The following GID4 variants were observed in gnomAD, a reference collection of about 807,000 sequenced individuals.
GID4 encodes the protein glucose-induced degradation protein 4 homolog.
In GID4, 7 loss-of-function variants were observed where a neutral mutation model predicts 32.4. The ratio of observed to expected loss-of-function variants is 0.22; its 90% CI spans 0.12 to 0.41. The LOEUF (loss-of-function observed/expected upper bound fraction) is 0.41, where lower values mean the gene tolerates loss of function less well. Ranked by LOEUF, GID4 falls within the 10% of genes least tolerant of loss-of-function variation. The probability of loss-of-function intolerance (pLI) is 1.00; values close to 1 mark genes in which losing one functional copy is unlikely to be tolerated. For missense variants in GID4, 309 were observed against 400.0 expected, an observed-to-expected ratio of 0.77 and a Z score of 1.94; for synonymous variants, 166 against 170.0, an observed-to-expected ratio of 0.98 and a Z score of 0.18.
intron 5 of GID4, among the ~76,000 whole-genome samples, chr17:18,064,293 G>A (rs1004847347): frequency 6.6e-6 from 1 of 152,124 alleles, no homozygotes; most frequent in Non-Finnish European, 1.5e-5. Flanking sequence ...GCATGTATGA[G>A]GGTTCCAGTT....
At chr17:18,059,960 C>T (rs1368134915) in intron 4 of GID4, among the ~76,000 whole-genome samples, 1 of 151,602 alleles carries the variant, frequency 6.6e-6, no homozygotes, top group African/African-American at 2.4e-5. Context: ...TTGGCATGCC[C>T]CTGTAGTCGC....
Position 18,066,668 on chromosome 17 carries a change from C to T in GID4, c.*1425C>T, listed in dbSNP as rs2045066925. 6.6e-6 allele frequency: 1 copy of T among 152,100 alleles called. No homozygotes were observed. Among genetic ancestry groups the T allele is most frequent in the Non-Finnish European group, 1.5e-5 (1 of 68,026 alleles). 9.4% of individuals were successfully genotyped at this position (152,100 alleles called of 1,614,324 possible). On this transcript the variant is annotated 3_prime_UTR_variant, in exon 6 of 6. Transcript: ENST00000268719. ...TCATAACCCCCAGGAGCAAAGCAAC[C>T]TGGAGGCTGCATATCCATGGGCGGG... is the stretch of plus-strand genomic sequence containing the variant.
chr17:18,039,577 C>T lies in GID4; in HGVS notation c.113C>T (p.Ala38Val). ...GAGCGCTTGCTCCGCAGGCAGCGGG[C>T]GGGTGGTCGCCCCTCCCGCCCCCAC... ...RPERLLRRQRAGGRPSRPHPA... is the reference protein window; with the variant it reads ...RPERLLRRQRVGGRPSRPHPA... Residue 38 changes from alanine (A) to valine (V), a missense_variant, in exon 1 of 6, where the codon GCG (alanine) becomes GTG (valine). By Grantham distance (64) the Ala-to-Val change is moderately conservative (BLOSUM62 0). Coordinates refer to ENST00000268719, the MANE Select transcript of GID4 (RefSeq NM_024052.5). This position sits in a 1 kb window ranked among gnomAD's most constrained non-coding sequence, Gnocchi z 5.3. 7.7e-7 allele frequency: 1 copy of T among 1,301,662 alleles called. No homozygotes were observed. Among genetic ancestry groups the T allele is most frequent in the Non-Finnish European group, 9.7e-7 (1 of 1,029,230 alleles). 80.6% of individuals were successfully genotyped at this position (1,301,662 alleles called of 1,614,324 possible).
chr17:18,054,277 G>A (rs750719668), intron 3 of GID4, 43 bp downstream of exon 3: 3 of 1,193,472 alleles, frequency 2.5e-6, no homozygotes, highest in Non-Finnish European at 3.7e-6. Context: ...GGGGCTGCTA[G>A]AGAATTGAAG....
chr17:18,049,745 TCTC>T (rs935695981), intron 2 of GID4, among the ~76,000 whole-genome samples: 3 of 152,126 alleles, frequency 2.0e-5, no homozygotes, highest in Non-Finnish European at 2.9e-5. Context: ...TTCAAGCAGT[TCTC>T]CTGCTCAGCT....
intron 2 of GID4, 33 bp from the exon 3 acceptor site, chr17:18,054,094 C>T: frequency 8.3e-7 from 1 of 1,202,242 alleles, no homozygotes; most frequent in Non-Finnish European, 1.2e-6. Flanking sequence ...TCTCACTCAA[C>T]ATCTTATTTT....
At chr17:18,040,751 T>G (rs2044790662) in intron 1 of GID4, among the ~76,000 whole-genome samples, 1 of 152,158 alleles carries the variant, frequency 6.6e-6, no homozygotes, top group East Asian at 1.9e-4. Flanking sequence ...CAGGGGACCC[T>G]CTTTCCTGTT....
chr17:18,051,954 A>G (rs2044914036), intron 2 of GID4, among the ~76,000 whole-genome samples: 1 of 151,470 alleles, frequency 6.6e-6, no homozygotes, highest in Non-Finnish European at 1.5e-5. Flanking sequence ...TGCATCTGTA[A>G]TCCCAGCTAC....
Position 18,039,627 on chromosome 17 carries a change from T to TC in GID4, c.166dup (p.Leu56ProfsTer107). The TC allele has an allele frequency of 9.8e-7, 1 of 1,020,094 alleles. No homozygotes were observed. The highest frequency in any genetic ancestry group is 1.2e-6 in the Non-Finnish European group (1 of 850,020). The allele number at this position is 1,020,094 out of a possible 1,614,324, so 63.2% of individuals were successfully genotyped here. A position where few individuals can be genotyped will look rare whatever the true frequency, so the allele number is the denominator to read the frequency against. On this transcript the variant is annotated frameshift_variant, in exon 1 of 6. Coordinates refer to ENST00000268719, the MANE Select transcript of GID4 (RefSeq NM_024052.5). LOFTEE classifies it high-confidence loss of function. This position sits in a 1 kb window ranked among gnomAD's most constrained non-coding sequence, Gnocchi z 5.3. ...CCCCGCGCGTGCGCGCCCCGGCCTC[T>TC]CCCTCCCCGCCACCCTCCTCGGCTC...
chr17:18,061,769 C>G lies in GID4; in HGVS notation c.709-76C>G. ...TTTTCTCGAGTGGTCCTTAGAACCC[C>G]CTGATGCTTAACAGGGAGGCCCCGT... On this transcript the variant is annotated intron_variant, in intron 4 of 5. Transcript: ENST00000268719. This position sits in a 1 kb window ranked among gnomAD's most constrained non-coding sequence, Gnocchi z 4.4. 1 of 1,431,022 alleles carries G rather than the reference C, an allele frequency of 7.0e-7. No individual in the cohort carries two copies. The allele number at this position is 1,431,022 out of a possible 1,614,324, so 88.6% of individuals were successfully genotyped here.
At chr17:18,053,822 T>C (rs921464563) in intron 2 of GID4, among the ~76,000 whole-genome samples, 3 of 152,210 alleles carry the variant, frequency 2.0e-5, no homozygotes, top group Admixed American at 1.3e-4. Flanking sequence ...GCTAGAATAT[T>C]AAAAATTTAT....
In GID4 at chr17:18,039,516, C is replaced by T. The variant is rs186674984; in HGVS notation, c.52C>T (p.Pro18Ser). The T allele has an allele frequency of 1.1e-5, 15 of 1,314,470 alleles. No homozygotes were observed. The East Asian group carries it at 3.1e-4, about 27-fold the overall frequency. 81.4% of individuals were successfully genotyped at this position (1,314,470 alleles called of 1,614,324 possible). Residue 18 changes from proline (P) to serine (S), a missense_variant, in exon 1 of 6, where the codon CCC becomes TCC. Pro to Ser is a moderately conservative substitution (Grantham distance 74). Around this residue, in one of 2 missense-constraint regions of GID4, gnomAD observed 193 missense variants for 185.8 expected, o/e 1.04. Transcript: ENST00000268719. This position sits in a 1 kb window ranked among gnomAD's most constrained non-coding sequence, Gnocchi z 5.3. Reference sequence around the variant, plus strand: ...GGGGACCCAGCTCAGGACTGGGAGGCCCTGCTCGCAGGTCCCTGGGTCCCG... The same window carrying T: ...GGGGACCCAGCTCAGGACTGGGAGGTCCTGCTCGCAGGTCCCTGGGTCCCG... Reference protein sequence around the residue: ...GRGTQLRTGRPCSQVPGSRWR... With the variant: ...GRGTQLRTGRSCSQVPGSRWR...
intron 1 of GID4, among the ~76,000 whole-genome samples, chr17:18,040,470 C>T (rs1397140951): frequency 1.3e-5 from 2 of 152,174 alleles, no homozygotes; most frequent in Non-Finnish European, 2.9e-5. Context: ...GCACCTAACC[C>T]GCAACTGATT....
chr17:18,057,329 G>C (rs2044978643), intron 3 of GID4: 1 of 282,104 alleles, frequency 3.5e-6, no homozygotes, highest in South Asian at 4.3e-5. Context: ...CTATTCGGGA[G>C]GCTGAGGCAG....
At chr17:18,063,281 G>A (rs139187073) in intron 5 of GID4, among the ~76,000 whole-genome samples, 5 of 151,912 alleles carry the variant, frequency 3.3e-5, no homozygotes, top group East Asian at 1.9e-4. Flanking sequence ...GTGCTGGTAC[G>A]CACCTGTAGT....
rs569555542 is a variant in GID4 at position 18,057,086 on chromosome 17, T to C, written c.607-1782T>C. On this transcript the variant is annotated intron_variant, in intron 3 of 5. Coordinates refer to ENST00000268719, the MANE Select transcript of GID4 (RefSeq NM_024052.5). ...CTGAGTGGTATTTAAGTTGCTATTATAGTGGTACTATAAAGTCAGGATTCC... is the reference window on the plus strand; with the variant it reads ...CTGAGTGGTATTTAAGTTGCTATTACAGTGGTACTATAAAGTCAGGATTCC... 2.1e-5 allele frequency: 31 copies of C among 1,504,126 alleles called. No homozygotes were observed. In the African/African-American group the frequency reaches 4.3e-4, roughly 21 times the overall value. 93.2% of individuals were successfully genotyped at this position (1,504,126 alleles called of 1,614,324 possible).
Position 18,065,313 on chromosome 17 carries a change from A to G in GID4, c.*70A>G. ...AAGAACTTTGCCGAGAAAATTGTGT[A>G]CCTGCCAGAACCAGGAGAAGTGTGT... On this transcript the variant is annotated 3_prime_UTR_variant, in exon 6 of 6. Transcript: ENST00000268719. 9.1e-7 allele frequency: 1 copy of G among 1,102,068 alleles called. No homozygotes were observed. The highest frequency in any genetic ancestry group is 2.4e-5 in the East Asian group (1 of 41,860). The allele number at this position is 1,102,068 out of a possible 1,614,324, so 68.3% of individuals were successfully genotyped here.
intron 1 of GID4, among the ~76,000 whole-genome samples, chr17:18,040,624 T>A (rs1030539152): frequency 2.6e-5 from 4 of 151,664 alleles, no homozygotes; most frequent in African/African-American, 9.7e-5. Context: ...CCTTCCAGCT[T>A]CTCCACCCCC....
chr17:18,057,040 G>A (rs1288160279), intron 3 of GID4: 3 of 1,541,416 alleles, frequency 1.9e-6, no homozygotes, highest in East Asian at 4.9e-5. Context: ...CAGAGATATT[G>A]TATTGCATCC....
Sources: gnomAD v4.1 joint callset for allele counts (sites outside exome capture counted in the v4.1 genomes callset) on GRCh38, gnomAD v4.1.1 for gene constraint, gnomAD v4.1.1 regional missense constraint, Gnocchi (gnomAD v3.1) non-coding constraint, MANE v1.5 for transcripts, NCBI Gene and HGNC (gene_info 2026-07-23, HGNC 2026-07-21) for gene names.